CHCHD6: variants seen among roughly 807,000 people sequenced by gnomAD.
CHCHD6 encodes the protein MICOS complex subunit MIC25.
In CHCHD6, 28 loss-of-function variants were observed where a neutral mutation model predicts 32.3. The observed-to-expected ratio is 0.87, with a 90% CI of 0.64 to 1.19. CHCHD6 has a LOEUF of 1.19. Ranked by LOEUF, CHCHD6 falls within the 50% of genes most tolerant of loss-of-function variation. CHCHD6 has a pLI of 0.00. For missense variants in CHCHD6, 333 were observed against 307.0 expected (o/e 1.08, Z -0.63); for synonymous variants, 122 against 117.5 (o/e 1.04, Z -0.25).
intron 5 of CHCHD6, among the ~76,000 whole-genome samples, chr3:126,900,837 C>G (rs1003357688): frequency 6.6e-6 from 1 of 152,076 alleles, no homozygotes; most frequent in Non-Finnish European, 1.5e-5. Context: ...TACCTGAACT[C>G]AGGTGATCCT....
At position 126,865,339 on chromosome 3, in the gene CHCHD6, TCCACCAACCCCTTCTGCCC is replaced by T. The variant is rs546586444; in HGVS notation, c.495+12616_495+12634del. ...TACCACTTCCACCTCTACCAACTGC[TCCACCAACCCCTTCTGCCC>T]CCACCACCACCACCACCATTTCTGT... On this transcript the variant is annotated intron_variant, in intron 5 of 7. Transcript: ENST00000290913. Among the ~76,000 whole-genome samples, 81 of 149,812 alleles carry T rather than the reference TCCACCAACCCCTTCTGCCC, an allele frequency of 5.4e-4. No individual in the cohort carries two copies. In the South Asian group the frequency reaches 6.4e-3, roughly 12 times the overall value.
Position 126,824,966 on chromosome 3 carries a change from G to A in CHCHD6, c.412-27681G>A, listed in dbSNP as rs544222504. On this transcript the variant is annotated intron_variant, in intron 4 of 7. Transcript: ENST00000290913. ...TATTTATTGTCTTCTATTCTCTTTG[G>A]CATTATTTTGCTGTTCTTTTTCTAA... Among the ~76,000 whole-genome samples the A allele has an allele frequency of 5.3e-5, 8 of 151,984 alleles. No homozygotes were observed. In the South Asian group the frequency reaches 1.7e-3, roughly 32 times the overall value.
intron 6 of CHCHD6, among the ~76,000 whole-genome samples, chr3:126,928,561 C>T (rs1261369427): frequency 6.6e-6 from 1 of 152,152 alleles, no homozygotes; most frequent in African/African-American, 2.4e-5. Context: ...AGAGTAAAGC[C>T]CTGTGAGACC....
intron 6 of CHCHD6, among the ~76,000 whole-genome samples, chr3:126,946,053 C>T (rs929944204): frequency 2.0e-5 from 3 of 152,054 alleles, no homozygotes; most frequent in Admixed American, 6.5e-5. Context: ...AAGAGCCTCC[C>T]GCAGCCCCAC....
chr3:126,786,662 T>G (rs1261123322), intron 4 of CHCHD6, among the ~76,000 whole-genome samples: 3 of 152,214 alleles, frequency 2.0e-5, no homozygotes, highest in African/African-American at 4.8e-5. Flanking sequence ...TTCGCCCACT[T>G]TTTGATGGGG....
chr3:126,893,387 T>G (rs1334394636), intron 5 of CHCHD6, among the ~76,000 whole-genome samples: 1 of 152,224 alleles, frequency 6.6e-6, no homozygotes, highest in Admixed American at 6.5e-5. Context: ...TAGCCCTGAG[T>G]GACTCATTCG....
chr3:126,734,779 C>G (rs1400187148), intron 4 of CHCHD6, among the ~76,000 whole-genome samples: 1 of 152,110 alleles, frequency 6.6e-6, no homozygotes. Context: ...GGCAGTTGGG[C>G]TGAGAGGCAG....
chr3:126,816,856 T>TC (rs1384821214), intron 4 of CHCHD6, among the ~76,000 whole-genome samples: 3 of 151,866 alleles, frequency 2.0e-5, no homozygotes, highest in Non-Finnish European at 4.4e-5. Flanking sequence ...ATGCTATCCC[T>TC]CCCCCCTCTT....
At chr3:126,802,389 G>C (rs1026236239) in intron 4 of CHCHD6, among the ~76,000 whole-genome samples, 1 of 152,204 alleles carries the variant, frequency 6.6e-6, no homozygotes, top group Admixed American at 6.5e-5. Context: ...GGAGCTGAAA[G>C]CCAATGCTTG....
intron 4 of CHCHD6, among the ~76,000 whole-genome samples, chr3:126,742,239 AG>A (rs979120161): frequency 6.6e-6 from 1 of 152,198 alleles, no homozygotes. Context: ...TCTTTGCAGC[AG>A]CGGTAGCCAC....
intron 4 of CHCHD6, among the ~76,000 whole-genome samples, chr3:126,815,249 G>T (rs1053853274): frequency 1.3e-5 from 2 of 152,148 alleles, no homozygotes; most frequent in African/African-American, 2.4e-5. Context: ...TTTCCTACCT[G>T]ATCCTTCAGT....
intron 4 of CHCHD6, among the ~76,000 whole-genome samples, chr3:126,825,968 C>CT (rs1940376357): frequency 6.6e-6 from 1 of 152,202 alleles, no homozygotes; most frequent in Non-Finnish European, 1.5e-5. Flanking sequence ...CTGAAGGACT[C>CT]TTTCCAAATT....
chr3:126,957,919 G>A (rs1454601466), intron 7 of CHCHD6: 1 of 370,136 alleles, frequency 2.7e-6, no homozygotes, highest in Non-Finnish European at 5.2e-6. Flanking sequence ...AGAGGCCCGA[G>A]TGCAGAGTGG....
intron 6 of CHCHD6, among the ~76,000 whole-genome samples, chr3:126,928,036 G>A (rs2078349942): frequency 6.6e-6 from 1 of 152,220 alleles, no homozygotes; most frequent in Non-Finnish European, 1.5e-5. Flanking sequence ...GGCAGGGGTA[G>A]GAAGTTGTTC....
rs540105067 is a variant in CHCHD6, at chr3:126,762,315, C to G, written c.411+29093C>G. 9.9e-5 allele frequency among the ~76,000 whole-genome samples: 15 copies of G among 152,266 alleles called. No individual in the cohort carries two copies. In the East Asian group the frequency reaches 2.9e-3, roughly 29 times the overall value. The stretch of plus-strand genomic sequence containing the variant: ...CCCTTGAGCACTGCTTTCCTTCTAT[C>G]CCGTAAGTTTTGGTATGTTGTGTTT... On this transcript the variant is annotated intron_variant, in intron 4 of 7. Transcript: ENST00000290913.
intron 4 of CHCHD6, among the ~76,000 whole-genome samples, chr3:126,849,757 G>A (rs371300550): frequency 1.4e-4 from 21 of 152,294 alleles, no homozygotes; most frequent in East Asian, 1.4e-3. Flanking sequence ...CTCCCACTGG[G>A]ATCTAAGCTT....
chr3:126,914,599 A>G (rs1352270476), intron 5 of CHCHD6, 81 bp from the exon 6 acceptor site: 4 of 812,824 alleles, frequency 4.9e-6, no homozygotes, highest in East Asian at 2.4e-5. Flanking sequence ...GCATCTGTCA[A>G]TTTCTAATGT....
intron 6 of CHCHD6, among the ~76,000 whole-genome samples, chr3:126,951,056 C>A (rs922003069): frequency 2.6e-5 from 4 of 152,138 alleles, no homozygotes; most frequent in African/African-American, 9.7e-5. Flanking sequence ...GAATTGTAAT[C>A]CCCACGTGTC....
At chr3:126,896,704 C>G (rs879754751) in intron 5 of CHCHD6, among the ~76,000 whole-genome samples, 1 of 152,222 alleles carries the variant, frequency 6.6e-6, no homozygotes, top group Non-Finnish European at 1.5e-5. Context: ...GGAATGAGTT[C>G]AGGGGCTTCT....
Sources: allele counts gnomAD v4.1 joint callset (sites outside exome capture counted in the v4.1 genomes callset), GRCh38; gene constraint gnomAD v4.1.1; transcripts MANE v1.5; gene names NCBI Gene and HGNC (gene_info 2026-07-23, HGNC 2026-07-21).